The following ODAD2 variants were observed in gnomAD, a reference collection of about 807,000 sequenced individuals.
ODAD2 encodes outer dynein arm-docking complex subunit 2.
In ODAD2, 89 loss-of-function variants were observed where a neutral mutation model predicts 106.8. The ratio of observed to expected loss-of-function variants is 0.83; its 90% CI spans 0.70 to 0.99. ODAD2 has a LOEUF of 0.99. Among genes scored for constraint, ODAD2 ranks in the 50% least tolerant of loss-of-function variants. The pLI, the probability that ODAD2 is intolerant of heterozygous loss-of-function variation, is 0.00. For missense variants in ODAD2, 1,168 were observed against 1,238.5 expected, an observed-to-expected ratio of 0.94 and a Z score of 0.85; for synonymous variants, 404 against 436.2, an observed-to-expected ratio of 0.93 and a Z score of 0.92.
intron 17 of ODAD2, among the ~76,000 whole-genome samples, chr10:27,872,783 A>T (rs550074490): frequency 7.2e-5 from 11 of 151,776 alleles, no homozygotes; most frequent in African/African-American, 1.9e-4. Flanking sequence ...GATTTTTGCA[A>T]CGATGTTCAT....
Position 27,992,922 on chromosome 10 carries a change from T to A in ODAD2, c.224+1997A>T. Among the ~76,000 whole-genome samples the A allele has an allele frequency of 2.0e-5, 3 of 152,214 alleles. No homozygotes were observed. The Middle Eastern group carries it at 0.01, about 518-fold the overall frequency. On this transcript the variant is annotated intron_variant, in intron 2 of 19. Transcript: ENST00000305242. ...CTTTAAATGCATTTTTATAAAAAAA[T>A]ATTAATTTTTTTTGAGATGGAGTTT...
chr10:27,937,494 G>A (rs1025670440), intron 14 of ODAD2, among the ~76,000 whole-genome samples: 6 of 151,978 alleles, frequency 3.9e-5, no homozygotes, highest in Admixed American at 1.3e-4. Flanking sequence ...AGCAGTGAGT[G>A]ATATCAATAG....
intron 10 of ODAD2, among the ~76,000 whole-genome samples, chr10:27,947,087 G>C (rs1023959253): frequency 6.6e-6 from 1 of 152,094 alleles, no homozygotes; most frequent in Non-Finnish European, 1.5e-5. Flanking sequence ...TGTTCTTACA[G>C]CTTTTAGTAT....
intron 10 of ODAD2, among the ~76,000 whole-genome samples, chr10:27,950,331 C>T (rs560084524): frequency 3.0e-4 from 46 of 152,116 alleles, no homozygotes; most frequent in African/African-American, 4.8e-4. Flanking sequence ...TGTATAACCA[C>T]GTGAGTCAAA....
At chr10:27,941,604 T>TTC (rs1453637103) in intron 12 of ODAD2, among the ~76,000 whole-genome samples, 1 of 149,872 alleles carries the variant, frequency 6.7e-6, no homozygotes. Flanking sequence ...CAGTTTTTTT[T>TTC]TTTTTTTTTT....
intron 19 of ODAD2, among the ~76,000 whole-genome samples, chr10:27,820,234 C>G (rs1163778675): frequency 1.3e-5 from 2 of 152,056 alleles, no homozygotes; most frequent in Non-Finnish European, 2.9e-5. Flanking sequence ...CCACCCTGTA[C>G]GGCTCTCTTG....
chr10:27,956,938 C>T (rs1345573612), intron 10 of ODAD2: 1 of 152,126 alleles, frequency 6.6e-6, no homozygotes, highest in Non-Finnish European at 1.5e-5. Context: ...ACAAAATATC[C>T]TACATCCCTT....
At chr10:27,848,735 G>A (rs919527579) in intron 19 of ODAD2, among the ~76,000 whole-genome samples, 1 of 152,008 alleles carries the variant, frequency 6.6e-6, no homozygotes, top group Admixed American at 6.6e-5. Flanking sequence ...TCAAAAAGTG[G>A]GCAAAGGATA....
chr10:27,957,590 G>A (rs1847826737), intron 10 of ODAD2: 1 of 152,132 alleles, frequency 6.6e-6, no homozygotes, highest in Admixed American at 6.5e-5. Context: ...CACCTATGGG[G>A]GAGAAAAGAA....
intron 10 of ODAD2, among the ~76,000 whole-genome samples, 196 bp from the exon 11 acceptor site, chr10:27,945,158 T>A (rs1323772758): frequency 6.6e-6 from 1 of 152,130 alleles, no homozygotes; most frequent in Non-Finnish European, 1.5e-5. Context: ...GATTCAACAT[T>A]TAAAGGCAGG....
At chr10:27,997,477 G>C (rs924863586) in intron 1 of ODAD2, 1 of 152,108 alleles carries the variant, frequency 6.6e-6, no homozygotes, top group Non-Finnish European at 1.5e-5. Context: ...GTAACGCTAT[G>C]GTAGTCAACA....
intron 19 of ODAD2, among the ~76,000 whole-genome samples, chr10:27,817,301 T>G (rs1220304009): frequency 6.6e-6 from 1 of 152,230 alleles, no homozygotes; most frequent in Non-Finnish European, 1.5e-5. Context: ...TTTTTATTGA[T>G]CTCTTTGTTT....
intron 19 of ODAD2, among the ~76,000 whole-genome samples, chr10:27,834,439 T>C (rs952635193): frequency 2.6e-5 from 4 of 152,088 alleles, no homozygotes; most frequent in African/African-American, 9.7e-5. Context: ...TCACTTCCCA[T>C]TGGTGATAAC....
chr10:27,909,494 G>A (rs2133872120), intron 16 of ODAD2, among the ~76,000 whole-genome samples: 1 of 152,162 alleles, frequency 6.6e-6, no homozygotes, highest in South Asian at 2.1e-4. Context: ...TAATGAGTGA[G>A]GATTTTGATC....
chr10:27,996,582 C>A (rs532374219), intron 1 of ODAD2, among the ~76,000 whole-genome samples: 23 of 152,264 alleles, frequency 1.5e-4, no homozygotes, highest in African/African-American at 5.3e-4. Context: ...TTCAGATAAG[C>A]ACTACCTGAG....
chr10:27,977,514 C>A (rs1486776057), intron 7 of ODAD2, among the ~76,000 whole-genome samples: 1 of 151,906 alleles, frequency 6.6e-6, no homozygotes, highest in Admixed American at 6.6e-5. Context: ...TTGCAACGAG[C>A]CAAGATCGAT....
rs1183349384 is a variant in ODAD2 at position 27,911,458 on chromosome 10, T to C, written c.2496-3681A>G. ...ATAATGAGGACTGACTGTATTTTAA[T>C]GGACCATTGGGAAACTACAGTCTTG... On this transcript the variant is annotated intron_variant, in intron 16 of 19. Coordinates refer to ENST00000305242, the MANE Select transcript of ODAD2 (RefSeq NM_018076.5). Among the ~76,000 whole-genome samples, 8 of 152,206 alleles carry C rather than the reference T, an allele frequency of 5.3e-5. No individual in the cohort carries two copies. The East Asian group carries it at 1.5e-3, about 29-fold the overall frequency.
intron 16 of ODAD2, 112 bp downstream of exon 16, chr10:27,934,898 T>C: frequency 7.6e-7 from 1 of 1,313,706 alleles, no homozygotes; most frequent in South Asian, 1.4e-5. Context: ...TGACACACTG[T>C]ATTTTTTCAT....
At chr10:27,871,772 T>C (rs1484207071) in intron 17 of ODAD2, among the ~76,000 whole-genome samples, 1 of 152,176 alleles carries the variant, frequency 6.6e-6, no homozygotes, top group Non-Finnish European at 1.5e-5. Context: ...TGTAGTATAG[T>C]TTGAAGTCAG....
Sources: gnomAD v4.1 joint callset for allele counts (sites outside exome capture counted in the v4.1 genomes callset) on GRCh38, gnomAD v4.1.1 for gene constraint, MANE v1.5 for transcripts, NCBI Gene and HGNC (gene_info 2026-07-23, HGNC 2026-07-21) for gene names.